PTPRT: variants seen among roughly 807,000 people sequenced by gnomAD.
PTPRT encodes the protein protein tyrosine phosphatase receptor type T.
A neutral mutation model predicts 176.8 loss-of-function variants in PTPRT; 56 were observed. That is an observed-to-expected ratio of 0.32 (90% CI 0.26 to 0.40). PTPRT has a LOEUF of 0.40. Ranked by LOEUF, PTPRT falls within the 10% of genes least tolerant of loss-of-function variation. PTPRT has a pLI of 1.00. For missense variants in PTPRT, 1,540 were observed against 1,908.2 expected, an observed-to-expected ratio of 0.81 and a Z score of 3.60; for synonymous variants, 783 against 739.0, an observed-to-expected ratio of 1.06 and a Z score of -0.96.
chr20:43,157,900 A>G (rs1287099302), intron 1 of PTPRT, among the ~76,000 whole-genome samples: 1 of 152,112 alleles, frequency 6.6e-6, no homozygotes. Flanking sequence ...GGCCCTTCCA[A>G]GTTTTCCAAC....
intron 14 of PTPRT, among the ~76,000 whole-genome samples, chr20:42,247,256 C>T (rs1281669770): frequency 6.6e-6 from 1 of 152,024 alleles, no homozygotes; most frequent in Non-Finnish European, 1.5e-5. Flanking sequence ...AATGCCCTGG[C>T]CAGAGGCTAG....
intron 14 of PTPRT, among the ~76,000 whole-genome samples, chr20:42,237,948 C>T (rs984356889): frequency 2.0e-5 from 3 of 152,238 alleles, no homozygotes; most frequent in African/African-American, 4.8e-5. Context: ...AAAATACAGT[C>T]GTTATAACTG....
intron 1 of PTPRT, among the ~76,000 whole-genome samples, chr20:42,950,243 T>C (rs899650087): frequency 4.6e-5 from 7 of 152,310 alleles, no homozygotes; most frequent in African/African-American, 1.7e-4. Context: ...ACAGAGCTGA[T>C]CTGTCTATAA....
rs546974052 is a variant in PTPRT, at chr20:42,173,707, A to C, written c.2492-12165T>G. On this transcript the variant is annotated intron_variant, in intron 16 of 30. Transcript: ENST00000373187. ...GATCAAACTAGGAAGTGAGGGAATA[A>C]AGCTGAGGGGCGTGCATGGAATCCT... Among the ~76,000 whole-genome samples, 180 of 152,318 alleles carry C rather than the reference A, an allele frequency of 1.2e-3. 1 individual carries two copies. Among genetic ancestry groups the C allele is most frequent in the African/African-American group, 4.2e-3 (175 of 41,588 alleles).
At chr20:42,139,912 A>G (rs185317817) in intron 18 of PTPRT, among the ~76,000 whole-genome samples, 1 of 152,378 alleles carries the variant, frequency 6.6e-6, no homozygotes, top group East Asian at 1.9e-4. Flanking sequence ...CATAAGTCTT[A>G]ATACATGTTT....
At chr20:42,542,187 C>T (rs1431031950) in intron 7 of PTPRT, among the ~76,000 whole-genome samples, 4 of 152,100 alleles carry the variant, frequency 2.6e-5, no homozygotes, top group Non-Finnish European at 5.9e-5. Flanking sequence ...AGCCTCTTTC[C>T]TTTATAAATT....
chr20:42,208,255 T>C (rs2055525255), intron 15 of PTPRT, among the ~76,000 whole-genome samples: 1 of 121,000 alleles, frequency 8.3e-6, no homozygotes, highest in Admixed American at 8.2e-5. Flanking sequence ...AATCACCAGC[T>C]AACGTCATAA....
At chr20:42,935,341 T>C (rs749432625) in intron 1 of PTPRT, among the ~76,000 whole-genome samples, 22 of 151,900 alleles carry the variant, frequency 1.4e-4, no homozygotes, top group Non-Finnish European at 2.8e-4. Flanking sequence ...GGTCTTGCTA[T>C]GTTACCTAGG....
chr20:42,482,622 C>T (rs1036364115), intron 7 of PTPRT, among the ~76,000 whole-genome samples: 1 of 152,032 alleles, frequency 6.6e-6, no homozygotes, highest in Non-Finnish European at 1.5e-5. Context: ...AAGTATGTAA[C>T]ACATCAGATA....
chr20:43,176,738 A>G (rs923780832), intron 1 of PTPRT, among the ~76,000 whole-genome samples: 6 of 152,212 alleles, frequency 3.9e-5, no homozygotes, highest in Non-Finnish European at 7.3e-5. Context: ...GGATTTGCAG[A>G]TGCTGACTTT....
At chr20:42,957,309 A>G (rs1161121910) in intron 1 of PTPRT, among the ~76,000 whole-genome samples, 1 of 152,176 alleles carries the variant, frequency 6.6e-6, no homozygotes, top group Non-Finnish European at 1.5e-5. Context: ...CCTGCTCATA[A>G]ACATTTATAA....
chr20:42,821,649 T>C (rs935039475), intron 2 of PTPRT, among the ~76,000 whole-genome samples: 7 of 152,176 alleles, frequency 4.6e-5, no homozygotes, highest in Admixed American at 4.6e-4. Flanking sequence ...CATGATTTTA[T>C]GTATAGAAAA....
chr20:42,756,970 G>A (rs2076842813), intron 5 of PTPRT, among the ~76,000 whole-genome samples: 1 of 150,592 alleles, frequency 6.6e-6, no homozygotes, highest in African/African-American at 2.4e-5. Flanking sequence ...AGGATCGCCT[G>A]AGCCCAAAAA....
chr20:42,744,947 C>T lies in PTPRT; in HGVS notation c.859+11515G>A, dbSNP rs370895946. 6.6e-5 allele frequency among the ~76,000 whole-genome samples: 10 copies of T among 152,334 alleles called. No homozygotes were observed. In the East Asian group the frequency reaches 1.9e-3, roughly 29 times the overall value. On this transcript the variant is annotated intron_variant, in intron 6 of 30. Transcript: ENST00000373187. ...GGTCCGTGGTTAGGCAGCTGCTTCA[C>T]CACTTTATCCTATGGAAGGGAGGCA...
chr20:42,431,492 A>G (rs1015785578), intron 9 of PTPRT, among the ~76,000 whole-genome samples: 1 of 152,238 alleles, frequency 6.6e-6, no homozygotes, highest in Non-Finnish European at 1.5e-5. Context: ...TAAACAGTTA[A>G]TGAAAAATTA....
At chr20:42,743,258 T>A (rs1038299634) in intron 6 of PTPRT, among the ~76,000 whole-genome samples, 7 of 152,184 alleles carry the variant, frequency 4.6e-5, no homozygotes, top group East Asian at 1.9e-4. Flanking sequence ...CTACTCTGAT[T>A]AATAATGAAA....
chr20:42,182,252 TG>T (rs948609131), intron 16 of PTPRT, among the ~76,000 whole-genome samples: 1 of 152,180 alleles, frequency 6.6e-6, no homozygotes, highest in African/African-American at 2.4e-5. Context: ...AACGGATTTT[TG>T]GTTGAGCAGT....
At chr20:43,054,569 A>G (rs2425575) in intron 1 of PTPRT, among the ~76,000 whole-genome samples, 27,315 of 111,990 alleles carry the variant, frequency 0.24, 2,572 homozygotes, top group Admixed American at 0.39. Flanking sequence ...AAAGAAGGGG[A>G]AAAAAAAAAA....
chr20:42,825,546 T>C (rs879323579), intron 2 of PTPRT, among the ~76,000 whole-genome samples: 5 of 152,146 alleles, frequency 3.3e-5, no homozygotes, highest in African/African-American at 4.8e-5. Flanking sequence ...CGTATGAGCA[T>C]ATGCATACAC....
Sources: gnomAD v4.1 joint callset for allele counts (sites outside exome capture counted in the v4.1 genomes callset) on GRCh38, gnomAD v4.1.1 for gene constraint, MANE v1.5 for transcripts, NCBI Gene and HGNC (gene_info 2026-07-23, HGNC 2026-07-21) for gene names.